The following UNC5D variants were observed in gnomAD, a reference collection of about 807,000 sequenced individuals.
UNC5D encodes netrin receptor UNC5D.
In UNC5D, 39 loss-of-function variants were observed where a neutral mutation model predicts 105.4. That is an observed-to-expected ratio of 0.37 (90% CI 0.29 to 0.48). The LOEUF is 0.48. Among genes scored for constraint, UNC5D ranks in the 20% least tolerant of loss-of-function variants. UNC5D has a pLI of 0.98. For missense variants in UNC5D, 991 were observed against 1,202.4 expected (o/e 0.82, Z 2.60); for synonymous variants, 452 against 450.4 (o/e 1.00, Z -0.04).
chr8:35,585,601 C>T (rs1818742001), intron 3 of UNC5D, among the ~76,000 whole-genome samples: 1 of 150,598 alleles, frequency 6.6e-6, no homozygotes, highest in African/African-American at 2.4e-5. Context: ...ATAAACAGAA[C>T]CAATGAAAAG....
At chr8:35,677,729 G>A (rs1271893375) in intron 4 of UNC5D, among the ~76,000 whole-genome samples, 1 of 151,868 alleles carries the variant, frequency 6.6e-6, no homozygotes, top group Admixed American at 6.6e-5. Flanking sequence ...GACATAATTG[G>A]ATTGAAGGAC....
At chr8:35,481,843 G>A (rs1810503828) in intron 1 of UNC5D, among the ~76,000 whole-genome samples, 1 of 152,060 alleles carries the variant, frequency 6.6e-6, no homozygotes, top group South Asian at 2.1e-4. Context: ...TTTTCACTGG[G>A]TGGGTTTTTT....
chr8:35,310,991 A>G (rs1808834618), intron 1 of UNC5D, among the ~76,000 whole-genome samples: 2 of 152,192 alleles, frequency 1.3e-5, no homozygotes, highest in South Asian at 4.1e-4. Context: ...GTCCACCCTA[A>G]TTTGACAAAT....
chr8:35,367,438 G>C (rs141241432), intron 1 of UNC5D, among the ~76,000 whole-genome samples: 1 of 152,248 alleles, frequency 6.6e-6, no homozygotes, highest in East Asian at 1.9e-4. Context: ...GTCTTCCCCA[G>C]ATGAAAACAT....
chr8:35,698,537 G>C (rs964551602), intron 7 of UNC5D, among the ~76,000 whole-genome samples: 1 of 151,974 alleles, frequency 6.6e-6, no homozygotes, highest in Non-Finnish European at 1.5e-5. Flanking sequence ...CATCTGGCTT[G>C]TTTTACTTAG....
chr8:35,789,892 G>C (rs868202983), intron 16 of UNC5D, among the ~76,000 whole-genome samples: 1,382 of 128,108 alleles, frequency 0.011, 17 homozygotes, highest in African/African-American at 0.045. Flanking sequence ...TAGTCAAGAA[G>C]AAAACACACA....
chr8:35,369,146 G>A (rs1239395767), intron 1 of UNC5D, among the ~76,000 whole-genome samples: 2 of 152,054 alleles, frequency 1.3e-5, no homozygotes, highest in Non-Finnish European at 2.9e-5. Flanking sequence ...TTAAAGTGTA[G>A]AGAAACAGTG....
intron 1 of UNC5D, among the ~76,000 whole-genome samples, chr8:35,320,972 C>CT (rs1374169177): frequency 6.6e-6 from 1 of 152,062 alleles, no homozygotes; most frequent in Non-Finnish European, 1.5e-5. Context: ...CTGATTTGTC[C>CT]TTTTTTTCTT....
At chr8:35,659,461 G>A (rs776408600) in intron 4 of UNC5D, among the ~76,000 whole-genome samples, 1 of 152,248 alleles carries the variant, frequency 6.6e-6, no homozygotes, top group Non-Finnish European at 1.5e-5. Context: ...CAAGTGCTGT[G>A]TTGTGGGTAT....
At chr8:35,330,220 A>G (rs1810505052) in intron 1 of UNC5D, among the ~76,000 whole-genome samples, 1 of 152,166 alleles carries the variant, frequency 6.6e-6, no homozygotes, top group Middle Eastern at 3.2e-3. Context: ...CTAATGCAAT[A>G]TTTGTCACAT....
chr8:35,591,305 A>T lies in UNC5D; in HGVS notation c.467-4249A>T, dbSNP rs1273555287. 5.3e-5 allele frequency among the ~76,000 whole-genome samples: 8 copies of T among 152,290 alleles called. No homozygotes were observed. The East Asian group carries it at 1.5e-3, about 29-fold the overall frequency. On this transcript the variant is annotated intron_variant, in intron 3 of 16. Transcript: ENST00000404895. ...AATTTGATTAAGTATACTCTGATAC[A>T]TAAAAAATATAGGAAATAAATTCCA...
At chr8:35,294,884 T>G (rs1166055225) in intron 1 of UNC5D, among the ~76,000 whole-genome samples, 1 of 152,162 alleles carries the variant, frequency 6.6e-6, no homozygotes, top group Non-Finnish European at 1.5e-5. Flanking sequence ...AAAGTGTATG[T>G]ATCCTGTGGT....
At chr8:35,320,327 A>G (rs1279281739) in intron 1 of UNC5D, among the ~76,000 whole-genome samples, 2 of 152,058 alleles carry the variant, frequency 1.3e-5, no homozygotes, top group East Asian at 3.9e-4. Flanking sequence ...GTCTGGGTTA[A>G]GATATGGAGT....
intron 4 of UNC5D, among the ~76,000 whole-genome samples, chr8:35,639,433 C>G (rs1350357086): frequency 6.6e-6 from 1 of 152,102 alleles, no homozygotes; most frequent in South Asian, 2.1e-4. Flanking sequence ...TAGCATATTG[C>G]TTTCATATTT....
intron 1 of UNC5D, among the ~76,000 whole-genome samples, chr8:35,281,227 A>T (rs1231602030): frequency 6.6e-6 from 1 of 151,940 alleles, no homozygotes; most frequent in Non-Finnish European, 1.5e-5. Flanking sequence ...CTTTTTACTG[A>T]CAATGCTACA....
At chr8:35,475,173 G>A (rs564087929) in intron 1 of UNC5D, among the ~76,000 whole-genome samples, 1 of 152,214 alleles carries the variant, frequency 6.6e-6, no homozygotes, top group African/African-American at 2.4e-5. Context: ...TAAAGGAGTA[G>A]GAGGTGAATT....
chr8:35,539,150 C>G (rs991418209), intron 1 of UNC5D, among the ~76,000 whole-genome samples: 3 of 152,056 alleles, frequency 2.0e-5, no homozygotes, highest in African/African-American at 7.2e-5. Flanking sequence ...TATGTGTGTT[C>G]TATGTATACA....
At chr8:35,253,711 G>T (rs6993424) in intron 1 of UNC5D, among the ~76,000 whole-genome samples, 3,166 of 151,794 alleles carry the variant, frequency 0.021, 115 homozygotes, top group African/African-American at 0.074. Context: ...GGATGATTTC[G>T]ATTTCCTGAC....
chr8:35,495,894 C>T (rs1811550794), intron 1 of UNC5D, among the ~76,000 whole-genome samples: 1 of 152,018 alleles, frequency 6.6e-6, no homozygotes, highest in Non-Finnish European at 1.5e-5. Context: ...GGTCAAGTAC[C>T]AGTGTAAGTT....
Sources: gnomAD v4.1 joint callset for allele counts (sites outside exome capture counted in the v4.1 genomes callset) on GRCh38, gnomAD v4.1.1 for gene constraint, MANE v1.5 for transcripts, NCBI Gene and HGNC (gene_info 2026-07-23, HGNC 2026-07-21) for gene names.